Variants in MOBP observed in about 807,000 individuals in gnomAD.
The protein encoded by MOBP is myelin-associated oligodendrocyte basic protein.
In MOBP, 5 loss-of-function variants were observed where a neutral mutation model predicts 15.0. The observed-to-expected ratio is 0.33, with a 90% CI of 0.17 to 0.70. The LOEUF is 0.70. MOBP is among the 30% of genes least tolerant of loss of function. The pLI is 0.67. For synonymous variants in MOBP, 88 were observed against 99.0 expected, an observed-to-expected ratio of 0.89 and a Z score of 0.66; for missense variants, 188 against 257.8, an observed-to-expected ratio of 0.73 and a Z score of 1.85.
At chr3:39,517,172 T>C (rs375230867), downstream of MOBP, among the ~76,000 whole-genome samples, 4 of 152,312 alleles carry the variant, frequency 2.6e-5, no homozygotes, top group African/African-American at 9.6e-5. Flanking sequence ...ACTCACTCTT[T>C]CTATTGTAGT....
intron 2 of MOBP, among the ~76,000 whole-genome samples, chr3:39,494,145 A>G (rs1391692839): frequency 1.3e-5 from 2 of 152,206 alleles, no homozygotes; most frequent in Non-Finnish European, 2.9e-5. Context: ...TAGTCCTATT[A>G]ACCATTATGA....
intron 1 of MOBP, among the ~76,000 whole-genome samples, chr3:39,474,733 A>T (rs1346820274): frequency 6.6e-6 from 1 of 152,214 alleles, no homozygotes; most frequent in Non-Finnish European, 1.5e-5. Context: ...TGCTTTGCAC[A>T]TAAAAAGAGT....
At chr3:39,482,651 CAAAAAAAAAAAA>C (rs10576821) in intron 2 of MOBP, among the ~76,000 whole-genome samples, 1 of 80,400 alleles carries the variant, frequency 1.2e-5, no homozygotes, top group Non-Finnish European at 2.5e-5. Flanking sequence ...CACTCTGTCT[CAAAAAAAAAAAA>C]AAAAAAAAGC....
At chr3:39,478,930 A>T (rs563718940) in intron 1 of MOBP, among the ~76,000 whole-genome samples, 1 of 151,900 alleles carries the variant, frequency 6.6e-6, no homozygotes, top group African/African-American at 2.4e-5. Flanking sequence ...CCCGGGTTCA[A>T]GCAATTCTCC....
downstream of MOBP, among the ~76,000 whole-genome samples, chr3:39,516,561 T>C (rs187378074): frequency 2.1e-4 from 32 of 152,232 alleles, no homozygotes; most frequent in East Asian, 4.0e-3. Context: ...TGGGTGATGG[T>C]GTTGGGGTCA....
In MOBP at chr3:39,492,077, C is replaced by T. The variant is rs1054028310; in HGVS notation, c.-4-9989C>T. On this transcript the variant is annotated intron_variant, in intron 2 of 3. Transcript: ENST00000684792. The stretch of plus-strand genomic sequence containing the variant: ...TAAGCCAATGGCCCAGAATAACGCT[C>T]TTGGTTCCCTACTCGTAATGCATGG... Among the ~76,000 whole-genome samples the T allele has an allele frequency of 2.6e-5, 4 of 152,182 alleles. No homozygotes were observed. In the East Asian group the frequency reaches 7.7e-4, roughly 29 times the overall value.
intron 2 of MOBP, among the ~76,000 whole-genome samples, chr3:39,482,651 CAAAAA>C (rs10576821): frequency 1.2e-5 from 1 of 80,396 alleles, no homozygotes; most frequent in Non-Finnish European, 2.5e-5. Flanking sequence ...CACTCTGTCT[CAAAAA>C]AAAAAAAAAA....
At chr3:39,500,108 C>T (rs1421808966) in intron 2 of MOBP, 1 of 455,210 alleles carries the variant, frequency 2.2e-6, no homozygotes, top group East Asian at 7.0e-5. Flanking sequence ...GCTCTACCCA[C>T]TTCCTCATCT....
At chr3:39,516,293 G>A (rs1156535305), downstream of MOBP, among the ~76,000 whole-genome samples, 1 of 152,188 alleles carries the variant, frequency 6.6e-6, no homozygotes, top group Admixed American at 6.5e-5. Flanking sequence ...GAGGGCGGTG[G>A]CACAGTGGGT....
chr3:39,528,285 T>A (rs1473852213), downstream of MOBP: 1 of 152,232 alleles, frequency 6.6e-6, no homozygotes, highest in Non-Finnish European at 1.5e-5. Context: ...AGTTGGAATA[T>A]GGAACAAGCT....
chr3:39,521,161 G>A (rs2043261489), intron 3 of MOBP, among the ~76,000 whole-genome samples: 2 of 152,000 alleles, frequency 1.3e-5, no homozygotes, highest in African/African-American at 4.8e-5. Flanking sequence ...TGTTAGCCAG[G>A]TTCGCCTTGA....
intron 2 of MOBP, among the ~76,000 whole-genome samples, chr3:39,485,949 AT>A (rs1488503820): frequency 6.6e-6 from 1 of 151,336 alleles, no homozygotes; most frequent in East Asian, 1.9e-4. Flanking sequence ...TTTTAAAAAA[AT>A]GTATAGTTTG....
At chr3:39,489,694 C>CACCG (rs2042767544) in intron 2 of MOBP, among the ~76,000 whole-genome samples, 1 of 150,772 alleles carries the variant, frequency 6.6e-6, no homozygotes, top group African/African-American at 2.5e-5. Context: ...GTTCCCCGCC[C>CACCG]AGCTCCTGTC....
downstream of MOBP, among the ~76,000 whole-genome samples, chr3:39,504,631 A>G (rs926733100): frequency 6.6e-6 from 1 of 152,228 alleles, no homozygotes. Flanking sequence ...GACTTCACTT[A>G]TGCACTGTCT....
chr3:39,488,127 A>C (rs538863450), intron 2 of MOBP, among the ~76,000 whole-genome samples: 4 of 152,258 alleles, frequency 2.6e-5, no homozygotes, highest in South Asian at 4.1e-4. Flanking sequence ...ATTGTGAATA[A>C]AATTTTTTTC....
intron 4 of MOBP, among the ~76,000 whole-genome samples, chr3:39,509,088 GTT>G (rs548429565): frequency 0.4 from 42,748 of 105,988 alleles, 7,416 homozygotes; most frequent in African/African-American, 0.57. Flanking sequence ...GTGTGAGAGT[GTT>G]TGTGTGTGTG....
downstream of MOBP, among the ~76,000 whole-genome samples, chr3:39,519,798 G>A (rs1325518591): frequency 1.3e-5 from 2 of 152,008 alleles, no homozygotes; most frequent in East Asian, 1.9e-4. Context: ...AGGGGCTGGG[G>A]CAGGAGCAGT....
chr3:39,475,149 G>A (rs893705769), intron 1 of MOBP, among the ~76,000 whole-genome samples: 1 of 152,080 alleles, frequency 6.6e-6, no homozygotes, highest in African/African-American at 2.4e-5. Flanking sequence ...ACATTGAAAA[G>A]TTATGTATAG....
downstream of MOBP, among the ~76,000 whole-genome samples, chr3:39,519,432 A>G (rs373623056): frequency 4.6e-4 from 69 of 151,466 alleles, no homozygotes; most frequent in South Asian, 0.014. Flanking sequence ...ATCATTTTCC[A>G]AGTTTAAAAT....
Sources: allele counts gnomAD v4.1 joint callset (sites outside exome capture counted in the v4.1 genomes callset), GRCh38; gene constraint gnomAD v4.1.1; transcripts MANE v1.5; gene names NCBI Gene and HGNC (gene_info 2026-07-23, HGNC 2026-07-21).